Variants in GHR observed in about 807,000 individuals in gnomAD.
GHR encodes the protein GH receptor.
In GHR, 35 loss-of-function variants were observed where a neutral mutation model predicts 67.1. The ratio of observed to expected loss-of-function variants is 0.52; its 90% CI spans 0.40 to 0.69. The LOEUF (loss-of-function observed/expected upper bound fraction) is 0.69, where lower values mean the gene tolerates loss of function less well. Among genes scored for constraint, GHR ranks in the 30% least tolerant of loss-of-function variants. The pLI is 0.00. For synonymous variants in GHR, 272 were observed against 269.1 expected (o/e 1.01, Z -0.10); for missense variants, 792 against 764.6 (o/e 1.04, Z -0.42).
rs1453090914 is a variant in GHR, at chr5:42,630,017, A to G, written c.136+914A>G. 3.8e-5 allele frequency among the ~76,000 whole-genome samples: 5 copies of G among 131,244 alleles called. 2 individuals are homozygous for G. Among genetic ancestry groups the G allele is most frequent in the African/African-American group, 1.6e-4 (5 of 31,058 alleles). The allele number at this position is 131,244 out of a possible 152,430, so 86.1% of individuals were successfully genotyped here. A position where few individuals can be genotyped will look rare whatever the true frequency, so the allele number is the denominator to read the frequency against. The stretch of plus-strand genomic sequence containing the variant: ...TTCAACCACAAGACAGAACCCCACC[A>G]TCAACTCTGTGGGGAAGCGTCTCCA... On this transcript the variant is annotated intron_variant, in intron 3 of 9. Transcript: ENST00000230882.
At chr5:42,503,964 T>A (rs1746647216) in intron 1 of GHR, among the ~76,000 whole-genome samples, 1 of 152,118 alleles carries the variant, frequency 6.6e-6, no homozygotes, top group Non-Finnish European at 1.5e-5. Context: ...GAGGGGAGCT[T>A]TGGGAAAGCA....
At chr5:42,707,183 T>G (rs933874678) in intron 6 of GHR, among the ~76,000 whole-genome samples, 2 of 152,026 alleles carry the variant, frequency 1.3e-5, no homozygotes, top group African/African-American at 4.8e-5. Flanking sequence ...TTTAACTTTC[T>G]TGCATAAAAA....
intron 2 of GHR, among the ~76,000 whole-genome samples, chr5:42,579,443 G>A (rs1037904591): frequency 1.3e-5 from 2 of 152,160 alleles, no homozygotes; most frequent in African/African-American, 4.8e-5. Context: ...ATGTTCCAGG[G>A]AGTACTCAGA....
At chr5:42,664,408 G>A (rs1315675753) in intron 3 of GHR, among the ~76,000 whole-genome samples, 12 of 152,150 alleles carry the variant, frequency 7.9e-5, no homozygotes, top group African/African-American at 2.9e-4. Flanking sequence ...ATAGATCAAT[G>A]GAACAGAACA....
chr5:42,607,649 A>G (rs1752690888), intron 2 of GHR, among the ~76,000 whole-genome samples: 1 of 152,194 alleles, frequency 6.6e-6, no homozygotes, highest in Admixed American at 6.5e-5. Flanking sequence ...GACAGGATAG[A>G]CAAGAGTGGT....
At chr5:42,546,871 A>G (rs1748757239) in intron 1 of GHR, among the ~76,000 whole-genome samples, 1 of 152,172 alleles carries the variant, frequency 6.6e-6, no homozygotes, top group African/African-American at 2.4e-5. Flanking sequence ...GACTCAAAAG[A>G]TACAGAAGAG....
intron 4 of GHR, among the ~76,000 whole-genome samples, chr5:42,692,638 G>A (rs1757471204): frequency 6.6e-6 from 1 of 152,170 alleles, no homozygotes; most frequent in Non-Finnish European, 1.5e-5. Context: ...TAAATGCTCT[G>A]TTTGTCCTGT....
At chr5:42,666,420 C>T (rs1342135771) in intron 3 of GHR, among the ~76,000 whole-genome samples, 1 of 152,064 alleles carries the variant, frequency 6.6e-6, no homozygotes, top group African/African-American at 2.4e-5. Context: ...TCTGGGTGTG[C>T]ATTTTAACTT....
At chr5:42,532,150 G>A (rs1748000308) in intron 1 of GHR, among the ~76,000 whole-genome samples, 2 of 152,016 alleles carry the variant, frequency 1.3e-5, no homozygotes, top group Admixed American at 1.3e-4. Context: ...CCTAGAAACT[G>A]GAACTGAGAA....
At chr5:42,641,138 C>T (rs145488622) in intron 3 of GHR, among the ~76,000 whole-genome samples, 32 of 152,244 alleles carry the variant, frequency 2.1e-4, no homozygotes, top group Admixed American at 4.6e-4. Context: ...CCTCCTTCCC[C>T]TGATAGACTC....
At position 42,719,898 on chromosome 5, in the gene GHR, C is replaced by A. The variant is rs1007140367; in HGVS notation, c.*474C>A. 3.3e-5 allele frequency: 6 copies of A among 182,680 alleles called. No individual in the cohort carries two copies. Among genetic ancestry groups the A allele is most frequent in the Non-Finnish European group, 4.6e-5 (4 of 87,240 alleles). 11.3% of individuals were successfully genotyped at this position (182,680 alleles called of 1,614,324 possible). A position where few individuals can be genotyped will look rare whatever the true frequency, so the allele number is the denominator to read the frequency against. On this transcript the variant is annotated 3_prime_UTR_variant, in exon 10 of 10. Coordinates refer to ENST00000230882, the MANE Select transcript of GHR (RefSeq NM_000163.5). Reference sequence around the variant, plus strand: ...AAAAACTAGAGGTGAGAAATTTAAACTATAAGCAAGAAGGCAAAAATAGTT... The same window carrying A: ...AAAAACTAGAGGTGAGAAATTTAAAATATAAGCAAGAAGGCAAAAATAGTT...
intron 1 of GHR, among the ~76,000 whole-genome samples, chr5:42,528,942 A>G (rs527481734): frequency 8.5e-5 from 13 of 152,212 alleles, no homozygotes; most frequent in African/African-American, 2.4e-4. Context: ...AAATTAAAGT[A>G]TATACATTGT....
chr5:42,495,642 A>T (rs569919346), intron 1 of GHR, among the ~76,000 whole-genome samples: 11 of 152,190 alleles, frequency 7.2e-5, no homozygotes, highest in African/African-American at 2.6e-4. Flanking sequence ...GACATATGGG[A>T]TGGTAGGTTC....
At chr5:42,646,347 C>A (rs1160181612) in intron 3 of GHR, 4 of 454,778 alleles carry the variant, frequency 8.8e-6, no homozygotes, top group Non-Finnish European at 1.8e-5. Flanking sequence ...GGTCCATGCT[C>A]ACATATCAAG....
intron 1 of GHR, among the ~76,000 whole-genome samples, chr5:42,456,748 A>G (rs1055032146): frequency 6.6e-6 from 1 of 152,162 alleles, no homozygotes; most frequent in Non-Finnish European, 1.5e-5. Context: ...CAGAAAAGAG[A>G]CGGTAAACAA....
chr5:42,631,003 C>T (rs547934730), intron 3 of GHR, among the ~76,000 whole-genome samples: 112 of 150,538 alleles, frequency 7.4e-4, no homozygotes, highest in Non-Finnish European at 1.1e-3. Flanking sequence ...AGGGTGGGGC[C>T]TTTGCCCAGG....
chr5:42,535,446 T>C (rs2112357553), intron 1 of GHR, among the ~76,000 whole-genome samples: 1 of 152,262 alleles, frequency 6.6e-6, no homozygotes, highest in Admixed American at 6.5e-5. Flanking sequence ...TTGTTTGCTT[T>C]GTCTAAAATC....
rs189812425 is a variant in GHR, at chr5:42,691,602, T to A, written c.266+2583T>A. On this transcript the variant is annotated intron_variant, in intron 4 of 9. Transcript: ENST00000230882. ...CATAAATAAAACTCTGAGATGATTT[T>A]ATCCAAAGTCAGAGTCAGTGGGCAG... 1.1e-3 allele frequency among the ~76,000 whole-genome samples: 161 copies of A among 152,364 alleles called. 1 individual carries two copies. The highest frequency in any genetic ancestry group is 3.6e-3 in the African/African-American group (151 of 41,590).
At chr5:42,616,589 G>A (rs775746929) in intron 2 of GHR, among the ~76,000 whole-genome samples, 1 of 151,866 alleles carries the variant, frequency 6.6e-6, no homozygotes, top group East Asian at 1.9e-4. Flanking sequence ...GTTCAATGGA[G>A]AGGCTCAGAC....
Sources: gnomAD v4.1 joint callset for allele counts (sites outside exome capture counted in the v4.1 genomes callset) on GRCh38, gnomAD v4.1.1 for gene constraint, MANE v1.5 for transcripts, NCBI Gene and HGNC (gene_info 2026-07-23, HGNC 2026-07-21) for gene names.